SAMD3: variants seen among roughly 807,000 people sequenced by gnomAD.
SAMD3 encodes sterile alpha motif domain-containing protein 3.
A neutral mutation model predicts 58.5 loss-of-function variants in SAMD3; 63 were observed. That is an observed-to-expected ratio of 1.08 (90% CI 0.88 to 1.33). SAMD3 has a LOEUF of 1.33. Among genes scored for constraint, SAMD3 ranks in the 40% most tolerant of loss-of-function variants. The probability of loss-of-function intolerance (pLI) is 0.00; values close to 1 mark genes in which losing one functional copy is unlikely to be tolerated. For missense variants in SAMD3, 604 were observed against 608.4 expected (o/e 0.99, Z 0.08); for synonymous variants, 220 against 210.3 (o/e 1.05, Z -0.40).
chr6:130,154,000 A>G (rs79725843), intron 9 of SAMD3, among the ~76,000 whole-genome samples: 5,835 of 152,062 alleles, frequency 0.038, 160 homozygotes, highest in Non-Finnish European at 0.061. Flanking sequence ...ATATTTAAGG[A>G]CACTTATGAA....
At chr6:130,277,878 T>C (rs1774836180) in intron 2 of SAMD3, among the ~76,000 whole-genome samples, 1 of 152,172 alleles carries the variant, frequency 6.6e-6, no homozygotes, top group Non-Finnish European at 1.5e-5. Context: ...GGGAGGAACT[T>C]AGCTTATAGT....
At chr6:130,325,762 A>T (rs1210344728) in intron 1 of SAMD3, among the ~76,000 whole-genome samples, 1 of 152,038 alleles carries the variant, frequency 6.6e-6, no homozygotes, top group Non-Finnish European at 1.5e-5. Flanking sequence ...TTACTCTTTA[A>T]ATGTCATGGT....
chr6:130,315,168 T>A (rs1776319662), intron 1 of SAMD3, among the ~76,000 whole-genome samples: 2 of 152,114 alleles, frequency 1.3e-5, no homozygotes, highest in Non-Finnish European at 2.9e-5. Context: ...TGTGCTTACA[T>A]GAAAGTCAAT....
At chr6:130,215,712 G>C (rs934799016) in intron 2 of SAMD3, 1 of 1,466,342 alleles carries the variant, frequency 6.8e-7, no homozygotes, top group African/African-American at 1.4e-5. Flanking sequence ...GAAGGGGTGG[G>C]CAGGAGAGGA....
chr6:130,320,678 G>C (rs1224589630), intron 1 of SAMD3, among the ~76,000 whole-genome samples: 1 of 152,142 alleles, frequency 6.6e-6, no homozygotes, highest in Non-Finnish European at 1.5e-5. Context: ...ATGACATAAA[G>C]AGGAATGGAT....
chr6:130,243,217 T>A (rs1308980405), intron 2 of SAMD3, among the ~76,000 whole-genome samples: 1 of 152,178 alleles, frequency 6.6e-6, no homozygotes, highest in East Asian at 1.9e-4. Flanking sequence ...GTAAGATGGG[T>A]TAGATAAGTG....
At chr6:130,152,886 G>A (rs529936375) in intron 9 of SAMD3, among the ~76,000 whole-genome samples, 1 of 152,244 alleles carries the variant, frequency 6.6e-6, no homozygotes, top group African/African-American at 2.4e-5. Context: ...CCTCACATAA[G>A]CTATGACAGA....
intron 2 of SAMD3, among the ~76,000 whole-genome samples, chr6:130,232,750 G>A (rs913470387): frequency 4.6e-5 from 7 of 152,216 alleles, no homozygotes; most frequent in Admixed American, 4.6e-4. Context: ...AAAACAATTA[G>A]CAAATGCTAG....
chr6:130,209,944 C>T (rs545929694), intron 4 of SAMD3, among the ~76,000 whole-genome samples: 89 of 152,212 alleles, frequency 5.8e-4, no homozygotes, highest in Admixed American at 4.0e-3. Flanking sequence ...TCTTGTTTGG[C>T]AAAATTAAAT....
chr6:130,332,916 T>C (rs1776980563), intron 1 of SAMD3, among the ~76,000 whole-genome samples: 1 of 152,174 alleles, frequency 6.6e-6, no homozygotes, highest in Admixed American at 6.5e-5. Flanking sequence ...ATAATTTTTA[T>C]ATTGTAGCAG....
At chr6:130,194,623 A>G (rs1379573916) in intron 5 of SAMD3, among the ~76,000 whole-genome samples, 2 of 152,220 alleles carry the variant, frequency 1.3e-5, no homozygotes, top group African/African-American at 2.4e-5. Flanking sequence ...TACAAGTGCC[A>G]GAAATCTGGC....
In SAMD3 at chr6:130,196,918, T is replaced by C. The variant is rs1471592054; in HGVS notation, c.384-12295A>G. On this transcript the variant is annotated intron_variant, in intron 5 of 11. Transcript: ENST00000439090. ...CCTCAGTTTAGCCTTCCCACCTCTC[T>C]ACAGTCTGATAACAGACCAGCCTTT... is the stretch of plus-strand genomic sequence containing the variant. Among the ~76,000 whole-genome samples, 4 of 152,340 alleles carry C rather than the reference T, an allele frequency of 2.6e-5. 1 individual carries two copies. The highest frequency in any genetic ancestry group is 2.6e-4 in the Admixed American group (4 of 15,308).
intron 8 of SAMD3, among the ~76,000 whole-genome samples, chr6:130,163,698 T>C (rs1790469074): frequency 6.6e-6 from 1 of 152,230 alleles, no homozygotes; most frequent in Non-Finnish European, 1.5e-5. Flanking sequence ...TGGAAAAGGC[T>C]ATAAAATAAT....
At chr6:130,256,891 C>G (rs1209771886) in intron 2 of SAMD3, among the ~76,000 whole-genome samples, 1 of 152,160 alleles carries the variant, frequency 6.6e-6, no homozygotes, top group Non-Finnish European at 1.5e-5. Context: ...GGTTATTTTA[C>G]AAGTAACCCC....
chr6:130,247,476 A>C (rs966437806), intron 2 of SAMD3, among the ~76,000 whole-genome samples: 3 of 151,988 alleles, frequency 2.0e-5, no homozygotes, highest in Non-Finnish European at 4.4e-5. Context: ...CAAAAAAAAA[A>C]AAAAAGGAAA....
chr6:130,318,147 T>C (rs1776449241), intron 1 of SAMD3, among the ~76,000 whole-genome samples: 1 of 152,162 alleles, frequency 6.6e-6, no homozygotes, highest in African/African-American at 2.4e-5. Flanking sequence ...AACTGGAACT[T>C]CTTCCCACCA....
At chr6:130,167,141 C>T (rs750521865) in intron 8 of SAMD3, among the ~76,000 whole-genome samples, 10 of 151,862 alleles carry the variant, frequency 6.6e-5, no homozygotes, top group African/African-American at 1.9e-4. Context: ...GAAATATACA[C>T]GAATGAATCT....
chr6:130,250,960 A>G (rs1007963669), intron 2 of SAMD3, among the ~76,000 whole-genome samples: 2 of 152,218 alleles, frequency 1.3e-5, no homozygotes, highest in Non-Finnish European at 1.5e-5. Context: ...TATACTTAGC[A>G]GTGGTATTGC....
At chr6:130,345,256 C>A (rs1239674711) in intron 1 of SAMD3, among the ~76,000 whole-genome samples, 1 of 151,876 alleles carries the variant, frequency 6.6e-6, no homozygotes, top group Non-Finnish European at 1.5e-5. Flanking sequence ...AAGTGGCTCC[C>A]CTGAAGAGGG....
Sources: allele counts gnomAD v4.1 joint callset (sites outside exome capture counted in the v4.1 genomes callset), GRCh38; gene constraint gnomAD v4.1.1; transcripts MANE v1.5; gene names NCBI Gene and HGNC (gene_info 2026-07-23, HGNC 2026-07-21).